The following PLCB1 variants were observed in gnomAD, a reference collection of about 807,000 sequenced individuals.
PLCB1 encodes 1-phosphatidylinositol 4,5-bisphosphate phosphodiesterase beta-1.
In PLCB1, 46 loss-of-function variants were observed where a neutral mutation model predicts 161.8. The observed-to-expected ratio is 0.28, with a 90% CI of 0.22 to 0.36. The LOEUF (loss-of-function observed/expected upper bound fraction) is 0.36, where lower values mean the gene tolerates loss of function less well. Among genes scored for constraint, PLCB1 ranks in the 10% least tolerant of loss-of-function variants. The probability of loss-of-function intolerance (pLI) is 1.00; values close to 1 mark genes in which losing one functional copy is unlikely to be tolerated. For synonymous variants in PLCB1, 517 were observed against 503.7 expected, an observed-to-expected ratio of 1.03 and a Z score of -0.35; for missense variants, 1,016 against 1,472.5, an observed-to-expected ratio of 0.69 and a Z score of 5.07.
chr20:8,575,036 G>A (rs116844898), intron 3 of PLCB1, among the ~76,000 whole-genome samples: 2,579 of 152,218 alleles, frequency 0.017, 35 homozygotes, highest in Non-Finnish European at 0.028. Context: ...TCCAAATGAG[G>A]ACCTCCAATT....
At chr20:8,758,539 C>T (rs1981856215) in intron 24 of PLCB1, among the ~76,000 whole-genome samples, 1 of 151,920 alleles carries the variant, frequency 6.6e-6, no homozygotes, top group African/African-American at 2.4e-5. Flanking sequence ...TGAGATCGCA[C>T]CACTGCACTC....
chr20:8,809,678 A>G (rs1023534164), intron 31 of PLCB1, among the ~76,000 whole-genome samples: 2 of 152,064 alleles, frequency 1.3e-5, no homozygotes, highest in East Asian at 1.9e-4. Context: ...TGGTTGAAAC[A>G]TTATTACCCA....
chr20:8,604,944 T>A (rs1326661953), intron 3 of PLCB1, among the ~76,000 whole-genome samples: 1 of 152,164 alleles, frequency 6.6e-6, no homozygotes, highest in Non-Finnish European at 1.5e-5. Context: ...GGGGATTTTT[T>A]TAAGTAAATT....
intron 3 of PLCB1, among the ~76,000 whole-genome samples, chr20:8,490,904 A>G (rs912074287): frequency 2.0e-5 from 3 of 150,852 alleles, no homozygotes; most frequent in East Asian, 1.9e-4. Flanking sequence ...GTACACATAT[A>G]TATGTGTACA....
chr20:8,605,792 C>T (rs1987740499), intron 3 of PLCB1, among the ~76,000 whole-genome samples: 1 of 152,030 alleles, frequency 6.6e-6, no homozygotes, highest in South Asian at 2.1e-4. Flanking sequence ...GTTCACTCTC[C>T]TCTCATCCTC....
intron 7 of PLCB1, among the ~76,000 whole-genome samples, chr20:8,650,146 TATTAAC>T (rs958986565): frequency 6.6e-6 from 1 of 151,396 alleles, no homozygotes; most frequent in African/African-American, 2.5e-5. Flanking sequence ...GTTTCAAACT[TATTAAC>T]AATAAACCCT....
intron 10 of PLCB1, among the ~76,000 whole-genome samples, chr20:8,696,863 AG>A (rs948656026): frequency 3.3e-5 from 5 of 151,930 alleles, no homozygotes; most frequent in Non-Finnish European, 5.9e-5. Context: ...CCTCCTGAGT[AG>A]CTGGGACTAC....
At chr20:8,471,160 G>C (rs1280934720) in intron 3 of PLCB1, among the ~76,000 whole-genome samples, 1 of 152,064 alleles carries the variant, frequency 6.6e-6, no homozygotes, top group Non-Finnish European at 1.5e-5. Context: ...TTGTTCCATG[G>C]AATGTAATAG....
At position 8,356,412 on chromosome 20, in the gene PLCB1, C is replaced by T. The variant is rs1171119748; in HGVS notation, c.178-14970C>T. Among the ~76,000 whole-genome samples the T allele has an allele frequency of 4.6e-5, 7 of 152,146 alleles. No individual in the cohort carries two copies. The East Asian group carries it at 1.2e-3, about 25-fold the overall frequency. ...GTGGGCCAGGAATTTGTGTTTCTAG[C>T]GAGTAACCAGATGATGTGATGCTGC... On this transcript the variant is annotated intron_variant, in intron 2 of 31. Coordinates refer to ENST00000338037, the MANE Select transcript of PLCB1 (RefSeq NM_015192.4).
At chr20:8,402,620 G>A (rs1432100695) in intron 3 of PLCB1, among the ~76,000 whole-genome samples, 2 of 151,458 alleles carry the variant, frequency 1.3e-5, no homozygotes, top group Non-Finnish European at 2.9e-5. Context: ...GGATCACAAG[G>A]TCGGGAGATG....
At chr20:8,377,823 T>A (rs1486503457) in intron 3 of PLCB1, among the ~76,000 whole-genome samples, 1 of 152,182 alleles carries the variant, frequency 6.6e-6, no homozygotes, top group Admixed American at 6.5e-5. Flanking sequence ...AATGTTGAGA[T>A]GCCTGCTAGA....
intron 3 of PLCB1, among the ~76,000 whole-genome samples, chr20:8,432,000 T>G (rs1980065041): frequency 1.3e-5 from 2 of 151,942 alleles, no homozygotes; most frequent in South Asian, 4.1e-4. Context: ...CATGTCACTG[T>G]GTGCTCAGAT....
intron 2 of PLCB1, among the ~76,000 whole-genome samples, chr20:8,363,566 C>T (rs554141370): frequency 6.6e-6 from 1 of 152,296 alleles, no homozygotes; most frequent in South Asian, 2.1e-4. Context: ...ACCTTAATTA[C>T]ACCTCAAAAT....
intron 19 of PLCB1, among the ~76,000 whole-genome samples, chr20:8,736,002 A>G (rs1980561537): frequency 6.6e-6 from 1 of 152,202 alleles, no homozygotes; most frequent in Non-Finnish European, 1.5e-5. Flanking sequence ...TGGCCCAGCC[A>G]TAATTCTGTC....
chr20:8,133,092 A>G (rs2122993099), intron 1 of PLCB1, among the ~76,000 whole-genome samples: 1 of 152,188 alleles, frequency 6.6e-6, no homozygotes, highest in Non-Finnish European at 1.5e-5. Flanking sequence ...GTTGGGACCA[A>G]CTGGAAAGCG....
chr20:8,306,264 T>C (rs1014475219), intron 2 of PLCB1: 3 of 152,196 alleles, frequency 2.0e-5, no homozygotes, highest in African/African-American at 7.2e-5. Flanking sequence ...AGACTCAGTG[T>C]CTCAGACAAG....
rs528731496 is a variant in PLCB1, at chr20:8,290,664, A to G, written c.178-80718A>G. 1.4e-4 allele frequency among the ~76,000 whole-genome samples: 22 copies of G among 152,302 alleles called. No individual in the cohort carries two copies. The East Asian group carries it at 4.1e-3, about 28-fold the overall frequency. On this transcript the variant is annotated intron_variant, in intron 2 of 31. Transcript: ENST00000338037. Reference sequence around the variant, plus strand: ...TGGGAATAATAAATGGCAAGGGGATATAGACAGAGAACACAGTGTCTGTTA... The same window carrying G: ...TGGGAATAATAAATGGCAAGGGGATGTAGACAGAGAACACAGTGTCTGTTA...
At position 8,629,890 on chromosome 20, in the gene PLCB1, TTTTC is replaced by T. The variant is rs777407498; in HGVS notation, c.384+1473_384+1476del. Among the ~76,000 whole-genome samples, 281 of 140,238 alleles carry T rather than the reference TTTTC, an allele frequency of 2.0e-3. 1 individual carries two copies. The highest frequency in any genetic ancestry group is 3.3e-3 in the Non-Finnish European group (212 of 64,030). The allele number at this position is 140,238 out of a possible 152,430, so 92.0% of individuals were successfully genotyped here. ...CTTTCTTTCTTTCTCTCTCTCTTTC[TTTTC>T]TTTCTTTCTTTCTCTTTCCTTTCTT... On this transcript the variant is annotated intron_variant, in intron 4 of 31. Coordinates refer to ENST00000338037, the MANE Select transcript of PLCB1 (RefSeq NM_015192.4).
intron 31 of PLCB1, among the ~76,000 whole-genome samples, chr20:8,869,436 G>C (rs1349603193): frequency 1.3e-5 from 2 of 152,142 alleles, no homozygotes; most frequent in Non-Finnish European, 2.9e-5. Flanking sequence ...CATATTAGCT[G>C]GGCTGACGTG....
Sources: gnomAD v4.1 joint callset for allele counts (sites outside exome capture counted in the v4.1 genomes callset) on GRCh38, gnomAD v4.1.1 for gene constraint, MANE v1.5 for transcripts, NCBI Gene and HGNC (gene_info 2026-07-23, HGNC 2026-07-21) for gene names.